TMTC4: variants seen among roughly 807,000 people sequenced by gnomAD.
TMTC4 encodes protein O-mannosyl-transferase TMTC4.
Under a neutral mutation model 86.0 loss-of-function variants are expected in TMTC4, and 65 were observed. That is an observed-to-expected ratio of 0.76 (90% confidence interval 0.62 to 0.93). The LOEUF is 0.93. TMTC4 is among the 40% of genes least tolerant of loss of function. TMTC4 has a pLI of 0.00. For synonymous variants in TMTC4, 379 were observed against 382.5 expected (o/e 0.99, Z 0.11); for missense variants, 866 against 948.1 (o/e 0.91, Z 1.14).
Position 100,636,531 on chromosome 13 carries a change from C to A in TMTC4, c.1202+1G>T. ...ACTTAAGATTCAGTGCTGCCTCTTA[C>A]CTTCTCTTGTGGCCGTCTTCAGAGC... On this transcript the variant is annotated splice_donor_variant, in intron 10 of 18. Coordinates refer to ENST00000342624, the MANE Select transcript of TMTC4 (RefSeq NM_032813.5). LOFTEE classifies it high-confidence loss of function. The A allele has an allele frequency of 6.2e-7, 1 of 1,614,218 alleles. No homozygotes were observed. Among genetic ancestry groups the A allele is most frequent in the Non-Finnish European group, 8.5e-7 (1 of 1,180,052 alleles).
At chr13:100,674,461 G>A (rs1314693208) in intron 1 of TMTC4, 3 of 912,730 alleles carry the variant, frequency 3.3e-6, no homozygotes, top group South Asian at 1.0e-4. Flanking sequence ...CCTCTGCCCG[G>A]GCGGAGAAGC....
At chr13:100,612,538 G>T in intron 16 of TMTC4, 28 bp from the exon 17 acceptor site, 7 of 1,555,408 alleles carry the variant, frequency 4.5e-6, no homozygotes, top group Non-Finnish European at 6.2e-6. Context: ...AAAAATAAAA[G>T]ACATGTTAAT....
At position 100,656,480 on chromosome 13, in the gene TMTC4, G is replaced by C. The variant is rs1350621276; in HGVS notation, c.553-12C>G. ...ACAACACCAGCAACCTTAAAAAAGG[G>C]GGAAGAAAACAAAGAATTACATAAA... On this transcript the variant is annotated splice_polypyrimidine_tract_variant and intron_variant, in intron 5 of 18. Coordinates refer to ENST00000342624, the MANE Select transcript of TMTC4 (RefSeq NM_032813.5). 1 of 1,573,352 alleles carries C rather than the reference G, an allele frequency of 6.4e-7. No individual in the cohort carries two copies. Among genetic ancestry groups the C allele is most frequent in the East Asian group, 2.3e-5 (1 of 43,234 alleles).
At chr13:100,674,904 C>A, upstream of TMTC4, 3 of 984,864 alleles carry the variant, frequency 3.0e-6, no homozygotes, top group Non-Finnish European at 3.6e-6. Flanking sequence ...GCGGGCGCCC[C>A]CCAGCACCAG....
At chr13:100,654,109 A>G (rs1423403682) in intron 6 of TMTC4, among the ~76,000 whole-genome samples, 1 of 152,244 alleles carries the variant, frequency 6.6e-6, no homozygotes, top group Non-Finnish European at 1.5e-5. Context: ...AACAGAAAGC[A>G]TTCTTCAAAG....
At chr13:100,672,501 C>A (rs533680516) in intron 1 of TMTC4, among the ~76,000 whole-genome samples, 1 of 152,140 alleles carries the variant, frequency 6.6e-6, no homozygotes, top group Non-Finnish European at 1.5e-5. Flanking sequence ...TCCCTTCCCC[C>A]CTTTTTTTGA....
Position 100,612,406 on chromosome 13 carries a change from T to G in TMTC4, c.2056A>C (p.Lys686Gln), listed in dbSNP as rs1470490111. 7.5e-6 allele frequency: 12 copies of G among 1,608,330 alleles called. No homozygotes were observed. Among genetic ancestry groups the G allele is most frequent in the Non-Finnish European group, 8.5e-6 (10 of 1,178,240 alleles). Residue 686 changes from lysine to glutamine, a missense_variant, in exon 17 of 19, where the codon AAA becomes CAA. Physicochemically the swap from Lys to Gln is moderately conservative, Grantham distance 53 (BLOSUM62 1). Transcript: ENST00000342624. ...GCCTGCGGTTTACGCACCTTGTATT[T>G]CTGGGATTTCCCCAGCACGTTTGCC... ...SLANVLGKSQ[K>Q]YKESEALFLK... is the part of the protein sequence containing the mutation.
intron 17 of TMTC4, among the ~76,000 whole-genome samples, chr13:100,609,389 G>A (rs1452402566): frequency 6.6e-6 from 1 of 151,942 alleles, no homozygotes; most frequent in African/African-American, 2.4e-5. Flanking sequence ...ACCTAGATGT[G>A]GCAAAAAAAT....
chr13:100,628,523 T>C (rs551543466), intron 12 of TMTC4, among the ~76,000 whole-genome samples: 2 of 152,154 alleles, frequency 1.3e-5, no homozygotes, highest in South Asian at 2.1e-4. Flanking sequence ...AATTGAATTG[T>C]TGGATCACAG....
intron 7 of TMTC4, among the ~76,000 whole-genome samples, chr13:100,639,949 AAAAATAAAAT>A (rs528284384): frequency 6.6e-5 from 10 of 152,020 alleles, no homozygotes; most frequent in East Asian, 3.9e-4. Flanking sequence ...GAATAAAAAT[AAAAATAAAAT>A]AAAATAAAAT....
At position 100,635,012 on chromosome 13, in the gene TMTC4, C is replaced by A. The variant is rs1457089551; in HGVS notation, c.1374+12G>T. The stretch of plus-strand genomic sequence containing the variant: ...ATTCTGTTCATCAGCTGGCACCACT[C>A]TCAGTTGATACCTTTTTCTTGGTAT... On this transcript the variant is annotated intron_variant, in intron 11 of 18. Coordinates refer to ENST00000342624, the MANE Select transcript of TMTC4 (RefSeq NM_032813.5). 1 of 1,610,066 alleles carries A rather than the reference C, an allele frequency of 6.2e-7. No individual in the cohort carries two copies.
chr13:100,642,108 A>T (rs1883091005), intron 7 of TMTC4, 103 bp downstream of exon 7: 4 of 1,143,610 alleles, frequency 3.5e-6, no homozygotes, highest in South Asian at 2.8e-5. Context: ...AATGGGATGT[A>T]GGCGTGGAGA....
upstream of TMTC4, chr13:100,674,969 C>A: frequency 1.0e-6 from 1 of 985,590 alleles, no homozygotes; most frequent in Non-Finnish European, 1.2e-6. Context: ...CACTTTCAGG[C>A]CACAGCCAAG....
chr13:100,616,213 T>G (rs185143900), intron 15 of TMTC4, among the ~76,000 whole-genome samples: 46 of 151,476 alleles, frequency 3.0e-4, no homozygotes, highest in Non-Finnish European at 4.0e-4. Context: ...CATGTTTTGG[T>G]TTTTTTTTGA....
At chr13:100,649,213 C>T (rs1884123535) in intron 6 of TMTC4, among the ~76,000 whole-genome samples, 1 of 152,252 alleles carries the variant, frequency 6.6e-6, no homozygotes, top group East Asian at 1.9e-4. Context: ...ACAAAAAAGG[C>T]CTTACAAAAA....
At chr13:100,642,835 TG>T (rs531390361) in intron 6 of TMTC4, among the ~76,000 whole-genome samples, 2 of 152,172 alleles carry the variant, frequency 1.3e-5, no homozygotes, top group Non-Finnish European at 2.9e-5. Flanking sequence ...GCTCCCTGTG[TG>T]GAACAGCTCC....
At chr13:100,669,434 T>C (rs976071955) in intron 2 of TMTC4, among the ~76,000 whole-genome samples, 11 of 151,946 alleles carry the variant, frequency 7.2e-5, no homozygotes, top group African/African-American at 2.7e-4. Context: ...GTGGGGACAA[T>C]ATCTTGTCCC....
intron 14 of TMTC4, 54 bp from the exon 15 acceptor site, chr13:100,625,730 G>A (rs980136797): frequency 1.3e-5 from 21 of 1,608,654 alleles, no homozygotes; most frequent in East Asian, 1.1e-4. Context: ...CTTAGATGCC[G>A]GAATGCAGGA....
intron 3 of TMTC4, among the ~76,000 whole-genome samples, chr13:100,665,154 T>C (rs1286189681): frequency 6.6e-6 from 1 of 152,154 alleles, no homozygotes; most frequent in Non-Finnish European, 1.5e-5. Context: ...GATAATTTGG[T>C]ACTATACTAC....
Sources: allele counts gnomAD v4.1 joint callset (sites outside exome capture counted in the v4.1 genomes callset), GRCh38; gene constraint gnomAD v4.1.1; transcripts MANE v1.5; gene names NCBI Gene and HGNC (gene_info 2026-07-23, HGNC 2026-07-21).